The following DHPS variants were observed in gnomAD, a reference collection of about 807,000 sequenced individuals.
DHPS encodes the protein migration-inducing gene 13.
Under a neutral mutation model 38.7 loss-of-function variants are expected in DHPS, and 24 were observed. The ratio of observed to expected loss-of-function variants is 0.62; its 90% CI spans 0.45 to 0.87. The LOEUF (loss-of-function observed/expected upper bound fraction) is 0.87, where lower values mean the gene tolerates loss of function less well. DHPS is among the 40% of genes least tolerant of loss of function. DHPS has a pLI of 0.00. For synonymous variants in DHPS, 250 were observed against 204.4 expected (o/e 1.22, Z -1.90); for missense variants, 510 against 497.6 (o/e 1.02, Z -0.24).
chr19:12,681,670 C>A lies in DHPS; in HGVS notation c.97G>T (p.Gly33Cys), dbSNP rs1031366583. The change falls in exon 1 of 9, where the codon GGC (glycine) becomes TGC (cysteine). Residue 33 changes from glycine to cysteine, a missense_variant. Physicochemically the swap from Gly to Cys is radical, Grantham distance 159 (BLOSUM62 -3). Coordinates refer to ENST00000210060, the MANE Select transcript of DHPS (RefSeq NM_001930.4). ...TLPPESTQVRGYDFNRGVNYR... is the reference protein window; with the variant it reads ...TLPPESTQVRCYDFNRGVNYR... ...TTCACACCGCGGTTGAAGTCGTAGC[C>A]CCGGACCTGGGTGCTTTCGGGCGGC... The A allele has an allele frequency of 1.9e-6, 3 of 1,614,220 alleles. No individual in the cohort carries two copies. The highest frequency in any genetic ancestry group is 2.5e-6 in the Non-Finnish European group (3 of 1,180,050).
intron 1 of DHPS, 147 bp from the exon 2 acceptor site, chr19:12,680,472 T>C (rs962855150): frequency 2.4e-5 from 18 of 758,746 alleles, no homozygotes; most frequent in Non-Finnish European, 6.5e-6. Context: ...GAACATCTCC[T>C]GTGTAAACTC....
At chr19:12,672,625 A>C (rs961999631), downstream of DHPS, 8 of 570,498 alleles carry the variant, frequency 1.4e-5, no homozygotes, top group Non-Finnish European at 2.5e-5. Flanking sequence ...AAGGAAGAAA[A>C]GGGGGAATCA....
chr19:12,676,618 G>A, intron 7 of DHPS: 1 of 218,306 alleles, frequency 4.6e-6, no homozygotes, highest in South Asian at 6.5e-5. Flanking sequence ...CAGGCTCCCT[G>A]TGGCACCTCC....
downstream of DHPS, chr19:12,673,087 G>C: frequency 2.5e-6 from 4 of 1,613,412 alleles, no homozygotes; most frequent in Non-Finnish European, 3.4e-6. Context: ...TGCGGCTCCT[G>C]GACAAAGACA....
rs898734680 is a variant in DHPS, at chr19:12,681,111, C to T, written c.207+449G>A. 5.4e-5 allele frequency: 69 copies of T among 1,277,298 alleles called. No homozygotes were observed. The highest frequency in any genetic ancestry group is 7.3e-5 in the Admixed American group (3 of 40,876). 79.1% of individuals were successfully genotyped at this position (1,277,298 alleles called of 1,614,324 possible). A position where few individuals can be genotyped will look rare whatever the true frequency, so the allele number is the denominator to read the frequency against. Reference sequence around the variant, plus strand: ...CTTCCCAAAATGCTGGGATTATAGGCATGCGCCACCGCGCCCAGCCAGCCC... The same window carrying T: ...CTTCCCAAAATGCTGGGATTATAGGTATGCGCCACCGCGCCCAGCCAGCCC... On this transcript the variant is annotated intron_variant, in intron 1 of 8. Coordinates refer to ENST00000210060, the MANE Select transcript of DHPS (RefSeq NM_001930.4).
Position 12,675,733 on chromosome 19 carries a change from AC to A in DHPS, c.*104del. ...ACACAGACATGGAAGGACTTCAGAT[AC>A]CATCTTATTCTAGAGACGTAGCTGA... On this transcript the variant is annotated 3_prime_UTR_variant, in exon 9 of 9. Coordinates refer to ENST00000210060, the MANE Select transcript of DHPS (RefSeq NM_001930.4). 1 of 1,584,966 alleles carries A rather than the reference AC, an allele frequency of 6.3e-7. No individual in the cohort carries two copies. The highest frequency in any genetic ancestry group is 8.6e-7 in the Non-Finnish European group (1 of 1,168,084).
chr19:12,677,030 T>C, intron 7 of DHPS, 78 bp downstream of exon 7: 1 of 1,371,578 alleles, frequency 7.3e-7, no homozygotes, highest in Admixed American at 1.7e-5. Flanking sequence ...GTCTAGTTCA[T>C]GCTGTCTACC....
chr19:12,681,104 T>C (rs1483769025), intron 1 of DHPS: 10 of 1,275,304 alleles, frequency 7.8e-6, no homozygotes, highest in Non-Finnish European at 1.0e-5. Flanking sequence ...AATGCTGGGA[T>C]TATAGGCATG....
downstream of DHPS, chr19:12,672,850 C>T (rs375551940): frequency 5.0e-4 from 789 of 1,581,440 alleles, 10 homozygotes; most frequent in South Asian, 8.4e-3. Flanking sequence ...CCTGCAGCTC[C>T]GTGGATGGCC....
rs938956428 is a variant in DHPS, at chr19:12,677,370, T to C, written c.705A>G (p.Ala235=). The change falls in exon 6 of 9, where the codon GCA becomes GCG. Residue 235 remains alanine (A), a synonymous_variant. Coordinates refer to ENST00000210060, the MANE Select transcript of DHPS (RefSeq NM_001930.4). The part of the protein sequence containing the change: ...QKNHIPVFSP[A]LTDGSLGDMI... The stretch of plus-strand genomic sequence containing the variant: ...TGTCGCCCAGCGAGCCGTCTGTAAG[T>C]GCGGGACTAAACACAGGGATGTGGT... 14 of 1,613,932 alleles carry C rather than the reference T, an allele frequency of 8.7e-6. No individual in the cohort carries two copies. Among genetic ancestry groups the C allele is most frequent in the Admixed American group, 1.7e-5 (1 of 59,992 alleles).
chr19:12,681,877 G>C lies in DHPS; in HGVS notation c.-111C>G. The C allele has an allele frequency of 1.0e-6, 1 of 977,472 alleles. No individual in the cohort carries two copies. The highest frequency in any genetic ancestry group is 1.5e-6 in the Non-Finnish European group (1 of 661,538). The allele number at this position is 977,472 out of a possible 1,614,324, so 60.5% of individuals were successfully genotyped here. ...TCTCCGCAAGAGCACAGGAAGTAGG[G>C]AACGTGCTTTGGGCGAAAGACCGGA... is the stretch of plus-strand genomic sequence containing the variant. On this transcript the variant is annotated 5_prime_UTR_variant, in exon 1 of 9. Coordinates refer to ENST00000210060, the MANE Select transcript of DHPS (RefSeq NM_001930.4).
chr19:12,672,830 T>G (rs569338211), downstream of DHPS: 1 of 1,569,348 alleles, frequency 6.4e-7, no homozygotes, highest in Admixed American at 1.9e-5. Context: ...TCCCGCTGGA[T>G]CTACCCTCTC....
At position 12,677,888 on chromosome 19, in the gene DHPS, C is replaced by T. The variant is rs1019040446; in HGVS notation, c.679-492G>A. Among the ~76,000 whole-genome samples the T allele has an allele frequency of 5.9e-5, 9 of 151,756 alleles. No individual in the cohort carries two copies. In the East Asian group the frequency reaches 9.9e-4, roughly 17 times the overall value. On this transcript the variant is annotated intron_variant, in intron 5 of 8. Transcript: ENST00000210060. The stretch of plus-strand genomic sequence containing the variant: ...AACTCCTGACTTCAGGTGATCCACC[C>T]GCCTCAGCCCCCAAAGTACTGGGAT...
rs200642609 is a variant in DHPS at position 12,681,725 on chromosome 19, C to T, written c.42G>A (p.Leu14=). The change falls in exon 1 of 9, where the codon CTG becomes CTA. Residue 14 remains leucine, a synonymous_variant. Coordinates refer to ENST00000210060, the MANE Select transcript of DHPS (RefSeq NM_001930.4). ...SLEREAPAGA[L]AAVLKHSSTL... ...TCGAGCTGTGCTTTAGCACGGCGGC[C>T]AGCGCCCCCGCTGGCGCCTCCCGTT... 80 of 1,613,064 alleles carry T rather than the reference C, an allele frequency of 5.0e-5. No individual in the cohort carries two copies. The highest frequency in any genetic ancestry group is 2.6e-4 in the South Asian group (24 of 91,076).
chr19:12,681,278 G>A (rs915567256), intron 1 of DHPS: 5 of 1,289,048 alleles, frequency 3.9e-6, no homozygotes, highest in African/African-American at 1.5e-5. Context: ...CCCAGGCTCC[G>A]CCCATTCCAG....
At chr19:12,673,206 A>G, downstream of DHPS, 1 of 1,613,994 alleles carries the variant, frequency 6.2e-7, no homozygotes, top group Non-Finnish European at 8.5e-7. Context: ...CCTTAGGTAC[A>G]AGGGCCATAA....
chr19:12,678,561 G>C (rs1284313492), intron 5 of DHPS, among the ~76,000 whole-genome samples: 1 of 151,988 alleles, frequency 6.6e-6, no homozygotes, highest in East Asian at 1.9e-4. Context: ...CTTGAGGTCA[G>C]GAGTTCAAGA....
At chr19:12,681,159 G>A in intron 1 of DHPS, 2 of 1,278,912 alleles carry the variant, frequency 1.6e-6, no homozygotes, top group Non-Finnish European at 2.0e-6. Flanking sequence ...GAATCAGAGA[G>A]CATCTCCTTT....
At chr19:12,681,172 G>A (rs1268328264) in intron 1 of DHPS, 6 of 1,255,374 alleles carry the variant, frequency 4.8e-6, no homozygotes, top group Non-Finnish European at 6.1e-6. Context: ...TCTCCTTTCA[G>A]ATCCGGTCCC....
Sources: gnomAD v4.1 joint callset for allele counts (sites outside exome capture counted in the v4.1 genomes callset) on GRCh38, gnomAD v4.1.1 for gene constraint, MANE v1.5 for transcripts, NCBI Gene and HGNC (gene_info 2026-07-23, HGNC 2026-07-21) for gene names.